Variants in VSIG10 observed in about 807,000 individuals in gnomAD.
The protein encoded by VSIG10 is V-set and immunoglobulin domain containing 10, also known as V-set and immunoglobulin domain-containing protein 10.
In VSIG10, 48 loss-of-function variants were observed where a neutral mutation model predicts 58.7. That is an observed-to-expected ratio of 0.82 (90% CI 0.65 to 1.04). The LOEUF (loss-of-function observed/expected upper bound fraction) is 1.04. Among genes scored for constraint, VSIG10 ranks in the 50% least tolerant of loss-of-function variants. The pLI, the probability that VSIG10 is intolerant of heterozygous loss-of-function variation, is 0.00. For missense variants in VSIG10, 628 were observed against 670.0 expected (o/e 0.94, Z 0.69); for synonymous variants, 260 against 267.1 (o/e 0.97, Z 0.26).
At chr12:118,102,707 G>GCT (rs1274812413) in intron 1 of VSIG10, 1 of 152,088 alleles carries the variant, frequency 6.6e-6, no homozygotes, top group African/African-American at 2.4e-5. Context: ...TGCAAGAGGA[G>GCT]ACCCGTTGGG....
At chr12:118,070,940 G>A (rs949030230) in intron 7 of VSIG10, 112 bp downstream of exon 7, 59 of 1,269,862 alleles carry the variant, frequency 4.6e-5, no homozygotes, top group Middle Eastern at 1.8e-4. Flanking sequence ...CTAGCACATC[G>A]TAGGTCCTCA....
intron 2 of VSIG10, among the ~76,000 whole-genome samples, chr12:118,093,086 G>A (rs1385298711): frequency 2.7e-4 from 40 of 150,836 alleles, no homozygotes; most frequent in Admixed American, 2.3e-3. Flanking sequence ...TCAGGAGATC[G>A]AGACCATCCT....
chr12:118,100,678 G>A lies in VSIG10; in HGVS notation c.79+2915C>T, dbSNP rs967813253. Among the ~76,000 whole-genome samples, 4 of 152,166 alleles carry A rather than the reference G, an allele frequency of 2.6e-5. No individual in the cohort carries two copies. The East Asian group carries it at 5.8e-4, about 22-fold the overall frequency. ...TGAGTAGCTGGGATTACAGGCACCC[G>A]CCATCATGCCCCGCTAAGTTTTTGT... On this transcript the variant is annotated intron_variant, in intron 1 of 8. Transcript: ENST00000359236.
chr12:118,072,392 G>A (rs1361579829), intron 5 of VSIG10, among the ~76,000 whole-genome samples: 1 of 151,524 alleles, frequency 6.6e-6, no homozygotes, highest in East Asian at 1.9e-4. Context: ...ATGAACCCAG[G>A]AGGTGGAGCT....
intron 1 of VSIG10, among the ~76,000 whole-genome samples, chr12:118,098,260 TCTCCGCCTCTCCCTCTC>T: frequency 6.8e-6 from 1 of 147,184 alleles, no homozygotes; most frequent in South Asian, 2.2e-4. Context: ...TCTCCCTCTC[TCTCCGCCTCTCCCTCTC>T]TCTCCGCCTC....
chr12:118,073,232 C>T (rs2032570915), intron 5 of VSIG10, among the ~76,000 whole-genome samples: 1 of 152,146 alleles, frequency 6.6e-6, no homozygotes, highest in Non-Finnish European at 1.5e-5. Context: ...ACCATACTAG[C>T]CAGGCTGGTC....
intron 2 of VSIG10, among the ~76,000 whole-genome samples, chr12:118,086,034 G>A (rs559183565): frequency 3.3e-5 from 5 of 151,116 alleles, no homozygotes; most frequent in South Asian, 4.2e-4. Flanking sequence ...TGGCAAATGC[G>A]TGTAATACCA....
intron 2 of VSIG10, among the ~76,000 whole-genome samples, chr12:118,088,897 G>A (rs2033211459): frequency 1.3e-5 from 2 of 151,960 alleles, no homozygotes; most frequent in Non-Finnish European, 2.9e-5. Flanking sequence ...GACTTCCCTG[G>A]AGGGAGTACA....
chr12:118,103,383 G>GC (rs1305993942), intron 1 of VSIG10, among the ~76,000 whole-genome samples: 1 of 151,966 alleles, frequency 6.6e-6, no homozygotes, highest in Non-Finnish European at 1.5e-5. Flanking sequence ...GAGGCTGGGG[G>GC]TATCTCGCCC....
chr12:118,101,981 T>G (rs979143415), intron 1 of VSIG10: 2 of 152,130 alleles, frequency 1.3e-5, no homozygotes, highest in African/African-American at 4.8e-5. Flanking sequence ...TACAAAAAAA[T>G]TTTAGAAATT....
intron 2 of VSIG10, among the ~76,000 whole-genome samples, chr12:118,084,742 G>A (rs916182324): frequency 6.6e-6 from 1 of 152,176 alleles, no homozygotes; most frequent in African/African-American, 2.4e-5. Flanking sequence ...AGCTGGGCGT[G>A]GTAGAGCATG....
chr12:118,103,380 G>A (rs936217396), intron 1 of VSIG10, among the ~76,000 whole-genome samples: 5 of 152,208 alleles, frequency 3.3e-5, no homozygotes, highest in African/African-American at 1.2e-4. Flanking sequence ...CAGGAGGCTG[G>A]GGGTATCTCG....
At chr12:118,076,322 T>C (rs1254144110) in intron 4 of VSIG10, among the ~76,000 whole-genome samples, 1 of 151,962 alleles carries the variant, frequency 6.6e-6, no homozygotes, top group East Asian at 1.9e-4. Context: ...GTGAGGACAT[T>C]TTTGTTTATC....
chr12:118,081,978 T>A, intron 3 of VSIG10, 149 bp downstream of exon 3: 1 of 922,554 alleles, frequency 1.1e-6, no homozygotes, highest in Non-Finnish European at 1.6e-6. Context: ...GATCGCAACT[T>A]TGCACTCCAG....
At chr12:118,089,301 C>T (rs1458101455) in intron 2 of VSIG10, among the ~76,000 whole-genome samples, 4 of 152,152 alleles carry the variant, frequency 2.6e-5, no homozygotes, top group Non-Finnish European at 5.9e-5. Flanking sequence ...TGCAACAAGA[C>T]CTTGCCTTTA....
chr12:118,071,135 A>G, intron 6 of VSIG10, 68 bp from the exon 7 acceptor site: 1 of 1,531,062 alleles, frequency 6.5e-7, no homozygotes, highest in Non-Finnish European at 8.9e-7. Flanking sequence ...GTTCTTAATC[A>G]GGCAAACATT....
chr12:118,079,437 G>C lies in VSIG10; in HGVS notation c.834C>G (p.Ser278Arg). The C allele has an allele frequency of 6.2e-7, 1 of 1,613,954 alleles. No individual in the cohort carries two copies. The highest frequency in any genetic ancestry group is 1.1e-5 in the South Asian group (1 of 91,084). ...GKSKLGVEMLSESQLSDGKKF... is the reference protein window; with the variant it reads ...GKSKLGVEMLRESQLSDGKKF... Reference sequence around the variant, plus strand: ...TCTTGCCATCCGACAGCTGGGACTCGCTCAGCATTTCCACCCCCAGCTTTG... The same window carrying C: ...TCTTGCCATCCGACAGCTGGGACTCCCTCAGCATTTCCACCCCCAGCTTTG... The change falls in exon 4 of 9, where the codon AGC (serine) becomes AGG (arginine). Residue 278 changes from serine to arginine, a missense_variant. Ser to Arg is a moderately radical substitution (Grantham distance 110, BLOSUM62 -1). Transcript: ENST00000359236.
At chr12:118,069,111 A>T (rs2032375142) in intron 7 of VSIG10, among the ~76,000 whole-genome samples, 1 of 146,924 alleles carries the variant, frequency 6.8e-6, no homozygotes, top group Non-Finnish European at 1.5e-5. Flanking sequence ...CTTTTTCGGG[A>T]TAGAGTCTTG....
intron 5 of VSIG10, among the ~76,000 whole-genome samples, chr12:118,072,339 C>A (rs1324698175): frequency 1.4e-5 from 2 of 146,446 alleles, no homozygotes; most frequent in African/African-American, 5.1e-5. Flanking sequence ...GCGGCGGGCG[C>A]CTGCAGTCCC....
Sources: allele counts gnomAD v4.1 joint callset (sites outside exome capture counted in the v4.1 genomes callset), GRCh38; gene constraint gnomAD v4.1.1; transcripts MANE v1.5; gene names NCBI Gene and HGNC (gene_info 2026-07-23, HGNC 2026-07-21).